ELF2: variants seen among roughly 807,000 people sequenced by gnomAD.
ELF2 encodes the protein ETS-related transcription factor Elf-2.
A neutral mutation model predicts 54.8 loss-of-function variants in ELF2; 11 were observed. The ratio of observed to expected loss-of-function variants is 0.20; its 90% CI spans 0.13 to 0.33. The LOEUF is 0.33. Ranked by LOEUF, ELF2 falls within the 10% of genes least tolerant of loss-of-function variation. ELF2 has a pLI of 1.00. For synonymous variants in ELF2, 203 were observed against 245.1 expected (o/e 0.83, Z 1.61); for missense variants, 513 against 703.0 (o/e 0.73, Z 3.06).
chr4:139,169,273 G>A (rs1051019632), intron 1 of ELF2, among the ~76,000 whole-genome samples: 4 of 151,258 alleles, frequency 2.6e-5, no homozygotes, highest in Admixed American at 6.6e-5. Context: ...ACTTGAACCC[G>A]GGAGGCAGAG....
intron 7 of ELF2, among the ~76,000 whole-genome samples, chr4:139,062,919 A>T (rs934115423): frequency 2.6e-5 from 4 of 152,126 alleles, no homozygotes; most frequent in Admixed American, 1.3e-4. Flanking sequence ...TTTTCTTATC[A>T]TTTTCCTCTG....
chr4:139,122,432 T>A (rs915556590), intron 4 of ELF2, among the ~76,000 whole-genome samples: 1 of 152,234 alleles, frequency 6.6e-6, no homozygotes, highest in African/African-American at 2.4e-5. Flanking sequence ...GCCCTAGATA[T>A]CAGAAGAATG....
chr4:139,133,075 C>T (rs1737711546), intron 3 of ELF2, among the ~76,000 whole-genome samples: 2 of 151,782 alleles, frequency 1.3e-5, no homozygotes, highest in African/African-American at 2.4e-5. Flanking sequence ...GCACCCGCCA[C>T]CATGCCCGGC....
rs778196458 is a variant in ELF2 at position 139,111,931 on chromosome 4, TTAAG to T, written c.238+13229_238+13232del. ...AATGAGAAACCAAGGAGTTCAGACT[TTAAG>T]TAATTCTTTGACTGTCCTATTCCTT... is the stretch of plus-strand genomic sequence containing the variant. On this transcript the variant is annotated intron_variant, in intron 4 of 9. Transcript: ENST00000686138. Among the ~76,000 whole-genome samples, 42 of 152,296 alleles carry T rather than the reference TTAAG, an allele frequency of 2.8e-4. 1 individual carries two copies. Among genetic ancestry groups the T allele is most frequent in the South Asian group, 6.2e-4 (3 of 4,828 alleles).
intron 1 of ELF2, 100 bp downstream of exon 1, chr4:139,176,867 G>A (rs1743004085): frequency 1.3e-5 from 2 of 152,154 alleles, no homozygotes; most frequent in African/African-American, 2.4e-5. Context: ...CAAGCGCGGG[G>A]CGGGGGCGCG....
intron 4 of ELF2, among the ~76,000 whole-genome samples, chr4:139,090,600 C>T (rs1463702714): frequency 6.6e-6 from 1 of 152,012 alleles, no homozygotes; most frequent in Non-Finnish European, 1.5e-5. Context: ...TGCTGTTTGC[C>T]TTTTTTATTC....
At chr4:139,076,398 A>T (rs1304992390) in intron 4 of ELF2, among the ~76,000 whole-genome samples, 1 of 152,012 alleles carries the variant, frequency 6.6e-6, no homozygotes, top group Non-Finnish European at 1.5e-5. Flanking sequence ...ATTCTCAATT[A>T]TTGTTTTCAA....
chr4:139,153,172 C>T (rs963109086), intron 1 of ELF2, among the ~76,000 whole-genome samples: 34 of 152,060 alleles, frequency 2.2e-4, no homozygotes, highest in Non-Finnish European at 4.4e-4. Flanking sequence ...CAGTGGCTCA[C>T]GCCTGTAATC....
intron 4 of ELF2, among the ~76,000 whole-genome samples, chr4:139,106,079 A>G (rs1218195594): frequency 6.6e-6 from 1 of 152,202 alleles, no homozygotes; most frequent in East Asian, 1.9e-4. Flanking sequence ...TTGGCCATGG[A>G]AATTTTTGTC....
At chr4:139,114,561 TCACACACACACACACACACA>T (rs776035411) in intron 4 of ELF2, among the ~76,000 whole-genome samples, 3 of 108,636 alleles carry the variant, frequency 2.8e-5, no homozygotes, top group African/African-American at 1.1e-4. Context: ...GACTTCAGTC[TCACACACACACACACACACA>T]CACACACACA....
At chr4:139,113,968 A>G (rs757479661) in intron 4 of ELF2, among the ~76,000 whole-genome samples, 49 of 152,208 alleles carry the variant, frequency 3.2e-4, no homozygotes, top group Non-Finnish European at 5.9e-4. Flanking sequence ...CATAATTAAT[A>G]ATCTGTAAAA....
At chr4:139,144,213 C>T (rs547053481) in intron 1 of ELF2, among the ~76,000 whole-genome samples, 22 of 152,002 alleles carry the variant, frequency 1.4e-4, no homozygotes, top group Non-Finnish European at 2.6e-4. Context: ...GAGTATACAC[C>T]CCCACTATGA....
At chr4:139,148,707 A>T (rs959491699) in intron 1 of ELF2, among the ~76,000 whole-genome samples, 1 of 151,820 alleles carries the variant, frequency 6.6e-6, no homozygotes, top group Non-Finnish European at 1.5e-5. Context: ...TGTACAAGAC[A>T]TATGTTCTAT....
At chr4:139,114,986 C>T in intron 4 of ELF2, 1 of 1,613,732 alleles carries the variant, frequency 6.2e-7, no homozygotes, top group Non-Finnish European at 8.5e-7. Context: ...TCCAGCAGAC[C>T]AGAAATGAAG....
rs1301165829 is a variant in ELF2 at position 139,121,758 on chromosome 4, A to G, written c.238+3406T>C. ...GTCTCTTTATAATTACTAATCTGCC[A>G]TTGTTATCACAAGCAATTTACTATA... On this transcript the variant is annotated intron_variant, in intron 4 of 9. Coordinates refer to ENST00000686138, the MANE Select transcript of ELF2 (RefSeq NM_001331036.3). Among the ~76,000 whole-genome samples, 3 of 152,274 alleles carry G rather than the reference A, an allele frequency of 2.0e-5. No individual in the cohort carries two copies. In the East Asian group the frequency reaches 5.8e-4, roughly 29 times the overall value.
Position 139,176,991 on chromosome 4 carries a change from A to AC in ELF2, c.-277dup, listed in dbSNP as rs1743023686. The AC allele has an allele frequency of 6.6e-6, 1 of 152,068 alleles. No individual in the cohort carries two copies. The highest frequency in any genetic ancestry group is 2.1e-4 in the South Asian group (1 of 4,826). 9.4% of individuals were successfully genotyped at this position (152,068 alleles called of 1,614,324 possible). On this transcript the variant is annotated 5_prime_UTR_variant, in exon 1 of 10. Transcript: ENST00000686138. ...CCTGCTCTCCGCGACGCCTGGGAAG[A>AC]CCGCGGCGTCCTTTTCCCTCTCAGC...
At chr4:139,133,946 TAA>T (rs1319462817) in intron 3 of ELF2, among the ~76,000 whole-genome samples, 1 of 152,248 alleles carries the variant, frequency 6.6e-6, no homozygotes, top group African/African-American at 2.4e-5. Flanking sequence ...CATCTAGAAA[TAA>T]AGACAGTTTT....
intron 4 of ELF2, among the ~76,000 whole-genome samples, chr4:139,106,740 C>A: frequency 1.1e-5 from 1 of 93,732 alleles, no homozygotes; most frequent in African/African-American, 4.2e-5. Context: ...AACTATATTT[C>A]TTTTTTTTTT....
intron 1 of ELF2, among the ~76,000 whole-genome samples, chr4:139,163,449 G>T (rs1741373029): frequency 6.6e-6 from 1 of 152,104 alleles, no homozygotes; most frequent in Non-Finnish European, 1.5e-5. Context: ...GGGTTAAAAG[G>T]AGAATAACTT....
Sources: allele counts gnomAD v4.1 joint callset (sites outside exome capture counted in the v4.1 genomes callset), GRCh38; gene constraint gnomAD v4.1.1; transcripts MANE v1.5; gene names NCBI Gene and HGNC (gene_info 2026-07-23, HGNC 2026-07-21).